TSEN34: variants seen among roughly 807,000 people sequenced by gnomAD.
The protein encoded by TSEN34 is tRNA splicing endonuclease subunit 34.
Under a neutral mutation model 30.2 loss-of-function variants are expected in TSEN34, and 25 were observed. That is an observed-to-expected ratio of 0.83 (90% confidence interval 0.60 to 1.16). The LOEUF is 1.16. Among genes scored for constraint, TSEN34 ranks in the 50% most tolerant of loss-of-function variants. The pLI, the probability that TSEN34 is intolerant of heterozygous loss-of-function variation, is 0.00. For synonymous variants in TSEN34, 209 were observed against 177.4 expected (o/e 1.18, Z -1.41); for missense variants, 475 against 411.9 (o/e 1.15, Z -1.33).
In TSEN34 at chr19:54,194,361, A is replaced by G. The variant is rs1437168457; in HGVS notation, c.*999A>G. On this transcript the variant is annotated 3_prime_UTR_variant, in exon 4 of 4. Transcript: ENST00000396388. ...GTGGTGAATTTTTTTGATACTGTAT[A>G]TTTATATTTTAGACTCTTTTTTGGA... The G allele has an allele frequency of 2.0e-5, 3 of 151,822 alleles. No homozygotes were observed. Among genetic ancestry groups the G allele is most frequent in the Non-Finnish European group, 4.4e-5 (3 of 67,996 alleles). The allele number at this position is 151,822 out of a possible 1,614,324, so 9.4% of individuals were successfully genotyped here.
At chr19:54,190,475 G>A, upstream of TSEN34, 4 of 1,380,142 alleles carry the variant, frequency 2.9e-6, no homozygotes, top group Non-Finnish European at 3.8e-6. Flanking sequence ...GCGGAGAGTG[G>A]ACGGCGGGTG....
upstream of TSEN34, chr19:54,190,897 C>T (rs2076649924): frequency 2.9e-6 from 3 of 1,045,702 alleles, no homozygotes; most frequent in Non-Finnish European, 3.4e-6. Flanking sequence ...GGTGCCTTAG[C>T]CTCCAGAGCT....
At position 54,191,939 on chromosome 19, in the gene TSEN34, G is replaced by A; in HGVS notation, c.462G>A (p.Gln154=). Residue 154 remains glutamine, a synonymous_variant, in exon 2 of 4, where the codon CAG becomes CAA. Coordinates refer to ENST00000396388, the MANE Select transcript of TSEN34 (RefSeq NM_001077446.4). The stretch of plus-strand genomic sequence containing the variant: ...AAGAGGATGAGACCAGTGATGGCCA[G>A]GCTTCGGGAGAGCAGGAGGAAGCTG... The part of the protein sequence containing the change: ...AAKEDETSDG[Q]ASGEQEEAGP... 6.2e-7 allele frequency: 1 copy of A among 1,614,158 alleles called. No individual in the cohort carries two copies. Among genetic ancestry groups the A allele is most frequent in the Non-Finnish European group, 8.5e-7 (1 of 1,179,994 alleles).
rs1431500037 is a variant in TSEN34, at chr19:54,193,925, C to A, written c.*563C>A. 13 of 521,776 alleles carry A rather than the reference C, an allele frequency of 2.5e-5. No homozygotes were observed. In the East Asian group the frequency reaches 4.2e-4, roughly 17 times the overall value. 32.3% of individuals were successfully genotyped at this position (521,776 alleles called of 1,614,324 possible). On this transcript the variant is annotated 3_prime_UTR_variant, in exon 4 of 4. Coordinates refer to ENST00000396388, the MANE Select transcript of TSEN34 (RefSeq NM_001077446.4). ...GTTATAAATAAAAATATAGGCTGGG[C>A]ACGATGACCCACACCTGTAATCCCA...
At position 54,192,111 on chromosome 19, in the gene TSEN34, A is replaced by G. The variant is rs779649958; in HGVS notation, c.488-5A>G. ...TACCAAACTCTTCTCTGTACTCCCC[A>G]CCAGGCCCCTCGTCTTCCCAAGCAG... is the stretch of plus-strand genomic sequence containing the variant. On this transcript the variant is annotated splice_region_variant and splice_polypyrimidine_tract_variant and intron_variant, in intron 2 of 3. Coordinates refer to ENST00000396388, the MANE Select transcript of TSEN34 (RefSeq NM_001077446.4). The G allele has an allele frequency of 6.2e-7, 1 of 1,614,212 alleles. No homozygotes were observed. The highest frequency in any genetic ancestry group is 8.5e-7 in the Non-Finnish European group (1 of 1,180,022).
upstream of TSEN34, chr19:54,189,954 C>G (rs2076597640): frequency 2.9e-6 from 1 of 340,382 alleles, no homozygotes; most frequent in Non-Finnish European, 5.5e-6. Context: ...CTTCGGTTTA[C>G]TTCGTAGATA....
Position 54,194,290 on chromosome 19 carries a change from AAAGG to A in TSEN34, c.*934_*937del, listed in dbSNP as rs1238916388. The stretch of plus-strand genomic sequence containing the variant: ...TTTTAGGAGTTCAGAGCCTGGGGAG[AAAGG>A]AAGGACTCTGGAAGGCGTTCTGCTT... On this transcript the variant is annotated 3_prime_UTR_variant, in exon 4 of 4. Coordinates refer to ENST00000396388, the MANE Select transcript of TSEN34 (RefSeq NM_001077446.4). 15 of 151,846 alleles carry A rather than the reference AAAGG, an allele frequency of 9.9e-5. No homozygotes were observed. Among genetic ancestry groups the A allele is most frequent in the Non-Finnish European group, 1.9e-4 (13 of 68,026 alleles). 9.4% of individuals were successfully genotyped at this position (151,846 alleles called of 1,614,324 possible).
chr19:54,193,067 T>C, intron 3 of TSEN34, 108 bp from the exon 4 acceptor site: 2 of 1,574,338 alleles, frequency 1.3e-6, no homozygotes, highest in South Asian at 2.2e-5. Context: ...TTTTAGAGTA[T>C]CTATAGTGAT....
chr19:54,192,088 C>T, intron 2 of TSEN34, 28 bp from the exon 3 acceptor site: 2 of 1,614,210 alleles, frequency 1.2e-6, no homozygotes, highest in Non-Finnish European at 1.7e-6. Context: ...CTTGAATTTA[C>T]CAAACTCTTC....
upstream of TSEN34, chr19:54,191,293 TG>T: frequency 6.5e-7 from 1 of 1,543,694 alleles, no homozygotes; most frequent in South Asian, 1.2e-5. Flanking sequence ...CCGGAGGCTT[TG>T]GGTGCGCTGC....
intron 3 of TSEN34, 39 bp from the exon 4 acceptor site, chr19:54,193,136 C>T (rs369925352): frequency 2.3e-5 from 37 of 1,611,924 alleles, no homozygotes; most frequent in Non-Finnish European, 2.7e-5. Flanking sequence ...CAGCCGTCTG[C>T]CATTGGTCAC....
Position 54,191,506 on chromosome 19 carries a change from C to T in TSEN34, c.142C>T (p.Leu48Phe). The T allele has an allele frequency of 1.3e-6, 2 of 1,582,930 alleles. No individual in the cohort carries two copies. Among genetic ancestry groups the T allele is most frequent in the Non-Finnish European group, 1.7e-6 (2 of 1,169,408 alleles). The change falls in exon 1 of 4, where the codon CTC (leucine) becomes TTC (phenylalanine). Residue 48 changes from leucine (L) to phenylalanine (F), a missense_variant. Leu to Phe is a conservative substitution (Grantham distance 22). Transcript: ENST00000396388. ...RGPRQNSRLGLPLLLMPEEAR... is the reference protein window; with the variant it reads ...RGPRQNSRLGFPLLLMPEEAR... ...GCCCCGCCAGAACTCGCGCCTGGGC[C>T]TCCCGCTGCTGCTGATGCCCGAAGA...
chr19:54,194,202 CAT>C lies in TSEN34; in HGVS notation c.*841_*842del, dbSNP rs1392297791. 1 of 155,338 alleles carries C rather than the reference CAT, an allele frequency of 6.4e-6. No homozygotes were observed. Among genetic ancestry groups the C allele is most frequent in the African/African-American group, 2.4e-5 (1 of 41,016 alleles). 9.6% of individuals were successfully genotyped at this position (155,338 alleles called of 1,614,324 possible). A position where few individuals can be genotyped will look rare whatever the true frequency, so the allele number is the denominator to read the frequency against. On this transcript the variant is annotated 3_prime_UTR_variant, in exon 4 of 4. Coordinates refer to ENST00000396388, the MANE Select transcript of TSEN34 (RefSeq NM_001077446.4). ...GTGTGTATATATGTAAATATACACA[CAT>C]GTATGTATATATATGTGTGTGTATA... is the stretch of plus-strand genomic sequence containing the variant.
chr19:54,190,355 G>T (rs772202355), upstream of TSEN34: 1 of 1,528,276 alleles, frequency 6.5e-7, no homozygotes, highest in Admixed American at 2.1e-5. Flanking sequence ...CCTCGACTGC[G>T]AATTACTGTT....
intron 3 of TSEN34, 33 bp downstream of exon 3, chr19:54,192,406 C>T: frequency 6.2e-7 from 1 of 1,613,098 alleles, no homozygotes; most frequent in Non-Finnish European, 8.5e-7. Context: ...GGTTGCTGTG[C>T]CTTTCCATAC....
rs565128672 is a variant in TSEN34, at chr19:54,191,564, C to T, written c.200C>T (p.Thr67Ile). ...CTCTTGGCCGAGATCGGCGCCGTGA[C>T]TCTGGTCAGCGCCCCGCGTCCAGAC... ...ARLLAEIGAV[T>I]LVSAPRPDSR... The change falls in exon 1 of 4, where the codon ACT (threonine) becomes ATT (isoleucine). Residue 67 changes from threonine to isoleucine, a missense_variant. Physicochemically the swap from Thr to Ile is moderately conservative, Grantham distance 89. Transcript: ENST00000396388. 1 of 1,602,180 alleles carries T rather than the reference C, an allele frequency of 6.2e-7. No individual in the cohort carries two copies. The highest frequency in any genetic ancestry group is 1.1e-5 in the South Asian group (1 of 91,034).
chr19:54,190,926 C>T, upstream of TSEN34: 2 of 1,050,396 alleles, frequency 1.9e-6, no homozygotes, highest in Non-Finnish European at 2.3e-6. Flanking sequence ...CTGACGGGAA[C>T]ACCCGAAGGG....
upstream of TSEN34, chr19:54,190,103 A>T: frequency 1.9e-6 from 1 of 536,370 alleles, no homozygotes; most frequent in South Asian, 2.3e-5. Flanking sequence ...CGCCTACGGG[A>T]CCGGGCCAGG....
In TSEN34 at chr19:54,193,393, C is replaced by G; in HGVS notation, c.*31C>G. 1 of 1,613,592 alleles carries G rather than the reference C, an allele frequency of 6.2e-7. No homozygotes were observed. Among genetic ancestry groups the G allele is most frequent in the East Asian group, 2.2e-5 (1 of 44,860 alleles). ...AGAGACCTAGGGGATGTGGCTGTGT[C>G]GGCAGCAAGAGCCTTTCTGGATGTT... On this transcript the variant is annotated 3_prime_UTR_variant, in exon 4 of 4. Coordinates refer to ENST00000396388, the MANE Select transcript of TSEN34 (RefSeq NM_001077446.4).
Sources: allele counts gnomAD v4.1 joint callset, GRCh38; gene constraint gnomAD v4.1.1; transcripts MANE v1.5; gene names NCBI Gene and HGNC (gene_info 2026-07-23, HGNC 2026-07-21).